LPA: variants seen among roughly 807,000 people sequenced by gnomAD.
LPA encodes the protein apolipoprotein(a).
A neutral mutation model predicts 197.9 loss-of-function variants in LPA; 199 were observed. The observed-to-expected ratio is 1.01, with a 90% confidence interval of 0.90 to 1.13. LPA has a LOEUF of 1.13. Among genes scored for constraint, LPA ranks in the 50% most tolerant of loss-of-function variants. The pLI is 0.00. For missense variants in LPA, 1,853 were observed against 1,785.8 expected (o/e 1.04, Z -0.68); for synonymous variants, 715 against 639.5 (o/e 1.12, Z -1.78).
chr6:160,585,840 A>G (rs1490419693), intron 25 of LPA, among the ~76,000 whole-genome samples: 1 of 152,136 alleles, frequency 6.6e-6, no homozygotes, highest in Non-Finnish European at 1.5e-5. Flanking sequence ...TCAAAAAACA[A>G]CGGAGATAAA....
chr6:160,647,793 G>A (rs1274940683), intron 2 of LPA, among the ~76,000 whole-genome samples: 13 of 152,072 alleles, frequency 8.5e-5, no homozygotes, highest in Non-Finnish European at 1.3e-4. Context: ...TCTACATATG[G>A]TAAAGTTAAA....
At chr6:160,571,478 AC>A (rs1054035464) in intron 28 of LPA, among the ~76,000 whole-genome samples, 5 of 152,092 alleles carry the variant, frequency 3.3e-5, no homozygotes, top group Non-Finnish European at 7.4e-5. Flanking sequence ...ACTCACAGCC[AC>A]CCCTTCCTCC....
intron 31 of LPA, 121 bp from the exon 32 acceptor site, chr6:160,548,058 C>T: frequency 1.0e-6 from 1 of 995,930 alleles, no homozygotes; most frequent in Non-Finnish European, 1.5e-6. Flanking sequence ...GAATCAGGGG[C>T]CACATCCCTC....
intron 28 of LPA, among the ~76,000 whole-genome samples, chr6:160,568,928 A>ACT (rs1778512532): frequency 6.6e-6 from 1 of 152,232 alleles, no homozygotes; most frequent in African/African-American, 2.4e-5. Flanking sequence ...CTTACAAGGG[A>ACT]TGGGAAGGAC....
chr6:160,626,605 A>T (rs1779658470), intron 10 of LPA, among the ~76,000 whole-genome samples: 2 of 122,606 alleles, frequency 1.6e-5, no homozygotes, highest in African/African-American at 6.9e-5. Context: ...CTAGCTCTTT[A>T]ATTTAATTTG....
intron 16 of LPA, among the ~76,000 whole-genome samples, chr6:160,609,964 T>A (rs769077633): frequency 2.6e-5 from 4 of 152,174 alleles, no homozygotes; most frequent in Non-Finnish European, 5.9e-5. Flanking sequence ...TTTTGTATAA[T>A]AGTTCTTTAA....
At chr6:160,574,034 G>T (rs79573995) in intron 28 of LPA, among the ~76,000 whole-genome samples, 1 of 152,114 alleles carries the variant, frequency 6.6e-6, no homozygotes, top group Non-Finnish European at 1.5e-5. Flanking sequence ...GGGACTAGGC[G>T]TGTCTGAGCT....
At chr6:160,576,361 T>C (rs925896107) in intron 28 of LPA, among the ~76,000 whole-genome samples, 26 of 38,968 alleles carry the variant, frequency 6.7e-4, no homozygotes, top group African/African-American at 2.5e-3. Context: ...TATATATATA[T>C]ATATACATAT....
At chr6:160,604,387 T>C (rs1779303652) in intron 18 of LPA, among the ~76,000 whole-genome samples, 1 of 152,184 alleles carries the variant, frequency 6.6e-6, no homozygotes, top group South Asian at 2.1e-4. Flanking sequence ...CATTTTTCCA[T>C]GTCTTTGGTG....
intron 28 of LPA, among the ~76,000 whole-genome samples, chr6:160,575,594 T>C (rs978162458): frequency 6.6e-6 from 1 of 152,178 alleles, no homozygotes; most frequent in African/African-American, 2.4e-5. Context: ...TGGAGTAGAT[T>C]TTGCTCTTAA....
intron 30 of LPA, among the ~76,000 whole-genome samples, chr6:160,550,066 CA>C (rs1281190985): frequency 6.6e-6 from 1 of 152,150 alleles, no homozygotes; most frequent in Admixed American, 6.5e-5. Context: ...ACTAAAAATA[CA>C]AAAATTAGCT....
At chr6:160,549,893 A>G (rs1272993035) in intron 30 of LPA, among the ~76,000 whole-genome samples, 2 of 152,242 alleles carry the variant, frequency 1.3e-5, no homozygotes, top group African/African-American at 2.4e-5. Flanking sequence ...GAAAAGGTCC[A>G]CCAGCTATGG....
chr6:160,607,217 GA>G (rs1779375323), intron 16 of LPA, among the ~76,000 whole-genome samples: 5 of 152,124 alleles, frequency 3.3e-5, no homozygotes, highest in Non-Finnish European at 7.4e-5. Flanking sequence ...TTTTCCCATG[GA>G]AAAGCACTGT....
intron 24 of LPA, among the ~76,000 whole-genome samples, chr6:160,587,161 C>A (rs539888858): frequency 6.6e-6 from 1 of 152,318 alleles, no homozygotes; most frequent in East Asian, 1.9e-4. Context: ...GCTTTCACAC[C>A]TGGAGGATGC....
chr6:160,586,725 A>T, intron 24 of LPA, 95 bp from the exon 25 acceptor site: 2 of 1,559,544 alleles, frequency 1.3e-6, no homozygotes, highest in Non-Finnish European at 1.8e-6. Flanking sequence ...AGTGTAAACA[A>T]GCAAATTTGA....
intron 37 of LPA, among the ~76,000 whole-genome samples, 160 bp from the exon 38 acceptor site, chr6:160,532,809 G>A (rs911128828): frequency 2.0e-5 from 3 of 152,150 alleles, no homozygotes; most frequent in African/African-American, 7.2e-5. Flanking sequence ...ACCCATTAAA[G>A]TGCAAATGTC....
intron 32 of LPA, among the ~76,000 whole-genome samples, chr6:160,547,042 G>C (rs1778083216): frequency 6.6e-6 from 1 of 152,116 alleles, no homozygotes; most frequent in South Asian, 2.1e-4. Context: ...TTTCATAAAA[G>C]GCAATTTTTC....
chr6:160,588,758 C>A (rs1450908367), intron 24 of LPA, among the ~76,000 whole-genome samples: 1 of 152,262 alleles, frequency 6.6e-6, no homozygotes, highest in African/African-American at 2.4e-5. Context: ...CTGTGGTCAG[C>A]TGGGCTCCAT....
chr6:160,648,745 T>G (rs1390276446), intron 2 of LPA, among the ~76,000 whole-genome samples: 1 of 152,206 alleles, frequency 6.6e-6, no homozygotes. Context: ...CTCTTAGTAG[T>G]TCTTCGATTT....
Sources: gnomAD v4.1 joint callset for allele counts (sites outside exome capture counted in the v4.1 genomes callset) on GRCh38, gnomAD v4.1.1 for gene constraint, MANE v1.5 for transcripts, NCBI Gene and HGNC (gene_info 2026-07-23, HGNC 2026-07-21) for gene names.